The following CAST variants were observed in gnomAD, a reference collection of about 807,000 sequenced individuals.
CAST encodes the protein calpastatin, also known as MIR583 host.
A neutral mutation model predicts 119.6 loss-of-function variants in CAST; 76 were observed. The ratio of observed to expected loss-of-function variants is 0.64; its 90% CI spans 0.53 to 0.77. The LOEUF is 0.77. Among genes scored for constraint, CAST ranks in the 30% least tolerant of loss-of-function variants. CAST has a pLI of 0.00. For synonymous variants in CAST, 319 were observed against 331.6 expected (o/e 0.96, Z 0.41); for missense variants, 953 against 946.5 (o/e 1.01, Z -0.09).
rs997350514 is a variant in CAST, at chr5:96,702,946, G to A, written c.210+7039G>A. 2.5e-5 allele frequency: 25 copies of A among 985,498 alleles called. No individual in the cohort carries two copies. In the Admixed American group the frequency reaches 4.9e-4, roughly 19 times the overall value. 61.0% of individuals were successfully genotyped at this position (985,498 alleles called of 1,614,324 possible). On this transcript the variant is annotated intron_variant, in intron 3 of 31. Coordinates refer to ENST00000675179, the MANE Select transcript of CAST (RefSeq NM_001750.7). ...TACTGTCTTCCGCCGCTTTGCTCCAGGCCGCGCGTGCTCCCGGGTCTAGGG... is the reference window on the plus strand; with the variant it reads ...TACTGTCTTCCGCCGCTTTGCTCCAAGCCGCGCGTGCTCCCGGGTCTAGGG...
At chr5:96,200,595 TC>T in the CAST span, among the ~76,000 whole-genome samples, 1 of 152,290 alleles carries the variant, frequency 6.6e-6, no homozygotes, top group East Asian at 1.9e-4. Context: ...ATACAGGATA[TC>T]CTTTAATTCT....
chr5:96,556,839 A>G (rs1408231721), intron 1 of CAST, among the ~76,000 whole-genome samples: 3 of 152,156 alleles, frequency 2.0e-5, no homozygotes, highest in Non-Finnish European at 4.4e-5. Context: ...CCAACATTCA[A>G]ATCCAGGAAA....
the CAST span, among the ~76,000 whole-genome samples, chr5:96,401,982 T>A: frequency 1.1e-4 from 16 of 152,332 alleles, no homozygotes; most frequent in African/African-American, 3.6e-4. Flanking sequence ...TTGAGACCTG[T>A]ATTGTTCCCT....
chr5:96,695,393 C>G (rs1002158005), intron 2 of CAST, among the ~76,000 whole-genome samples: 1 of 152,114 alleles, frequency 6.6e-6, no homozygotes, highest in Non-Finnish European at 1.5e-5. Context: ...GGTTATAGTA[C>G]TGTGATCAGT....
At chr5:96,499,116 A>T in the CAST span, among the ~76,000 whole-genome samples, 2 of 152,154 alleles carry the variant, frequency 1.3e-5, no homozygotes, top group African/African-American at 2.4e-5. Context: ...AAATAAATTT[A>T]AAAAAAGAAC....
the CAST span, among the ~76,000 whole-genome samples, chr5:96,478,662 A>G: frequency 1.7e-4 from 26 of 152,252 alleles, 1 homozygote; most frequent in Non-Finnish European, 1.5e-5. Flanking sequence ...ATTAACATAA[A>G]GTAGAAAGAC....
the CAST span, among the ~76,000 whole-genome samples, chr5:96,071,420 C>G: frequency 1.3e-5 from 2 of 152,102 alleles, no homozygotes; most frequent in Non-Finnish European, 2.9e-5. Flanking sequence ...GTATATCAGT[C>G]CCCAGGCATG....
Position 96,742,704 on chromosome 5 carries a change from C to T in CAST, c.1148C>T (p.Thr383Ile), listed in dbSNP as rs766288502. The change falls in exon 16 of 32, where the codon ACC becomes ATC. Residue 383 changes from threonine (T) to isoleucine (I), a missense_variant. By Grantham distance (89) the Thr-to-Ile change is moderately conservative. Coordinates refer to ENST00000675179, the MANE Select transcript of CAST (RefSeq NM_001750.7). ...GAGGCTCTGTCGGCTTCACTGGGCA[C>T]CCGGCAAGCAGAACCTGAGCTCGAC... ...ALEALSASLG[T>I]RQAEPELDLR... 1 of 1,613,990 alleles carries T rather than the reference C, an allele frequency of 6.2e-7. No homozygotes were observed. Among genetic ancestry groups the T allele is most frequent in the East Asian group, 2.2e-5 (1 of 44,888 alleles).
chr5:96,488,017 G>A, the CAST span, among the ~76,000 whole-genome samples: 3 of 152,088 alleles, frequency 2.0e-5, no homozygotes, highest in Admixed American at 6.6e-5. Flanking sequence ...TTTATACAAT[G>A]TGACTAACTC....
At chr5:96,686,859 A>C (rs112823261) in intron 2 of CAST, among the ~76,000 whole-genome samples, 6,348 of 152,238 alleles carry the variant, frequency 0.042, 178 homozygotes, top group Middle Eastern at 0.092. Context: ...TGTAGGGACC[A>C]CTGCAAGGGA....
the CAST span, among the ~76,000 whole-genome samples, chr5:96,356,706 C>T: frequency 6.6e-6 from 1 of 152,140 alleles, no homozygotes; most frequent in African/African-American, 2.4e-5. Context: ...TGTTTTGGTA[C>T]CAGTACCATG....
At chr5:96,321,079 C>A in the CAST span, among the ~76,000 whole-genome samples, 1 of 152,194 alleles carries the variant, frequency 6.6e-6, no homozygotes, top group Non-Finnish European at 1.5e-5. Context: ...GAGTGCTTAT[C>A]TCTCCAGGTT....
chr5:96,660,008 A>T (rs1159742713), upstream of CAST, among the ~76,000 whole-genome samples: 1 of 152,216 alleles, frequency 6.6e-6, no homozygotes, highest in Non-Finnish European at 1.5e-5. Flanking sequence ...GTGAGTTCTG[A>T]CTTTTAAGCT....
At chr5:96,180,491 G>T in the CAST span, among the ~76,000 whole-genome samples, 1 of 152,086 alleles carries the variant, frequency 6.6e-6, no homozygotes, top group Non-Finnish European at 1.5e-5. Flanking sequence ...AGAACCAAAT[G>T]GTCCTTCACA....
chr5:96,049,582 T>A, the CAST span, among the ~76,000 whole-genome samples: 2 of 151,988 alleles, frequency 1.3e-5, no homozygotes, highest in African/African-American at 4.8e-5. Flanking sequence ...GGGATCCCAC[T>A]TGGGTGACTA....
chr5:96,423,214 G>C, the CAST span: 2 of 1,180,494 alleles, frequency 1.7e-6, no homozygotes, highest in African/African-American at 3.0e-5. Context: ...CCCAGGGACT[G>C]ACACCAGAGC....
chr5:96,601,261 T>A (rs1747147536), intron 1 of CAST, among the ~76,000 whole-genome samples: 1 of 152,222 alleles, frequency 6.6e-6, no homozygotes, highest in Admixed American at 6.5e-5. Context: ...TCTATCACAT[T>A]TTGTGTCCTA....
the CAST span, among the ~76,000 whole-genome samples, chr5:96,010,290 C>T: frequency 6.6e-6 from 1 of 151,990 alleles, no homozygotes; most frequent in Non-Finnish European, 1.5e-5. Context: ...TTTTTTGATT[C>T]CATATGATTT....
chr5:96,767,537 G>A lies in CAST; in HGVS notation c.2175+55G>A, dbSNP rs907087694. 7 of 1,392,364 alleles carry A rather than the reference G, an allele frequency of 5.0e-6. No homozygotes were observed. In the African/African-American group the frequency reaches 8.6e-5, roughly 17 times the overall value. The allele number at this position is 1,392,364 out of a possible 1,614,324, so 86.3% of individuals were successfully genotyped here. A position where few individuals can be genotyped will look rare whatever the true frequency, so the allele number is the denominator to read the frequency against. ...AATTTTGTTTTATTCTAGCCATAGG[G>A]GTATTTGGCATTTTAGAAAACTAAA... On this transcript the variant is annotated intron_variant, in intron 28 of 31. Transcript: ENST00000675179.
Sources: gnomAD v4.1 joint callset for allele counts (sites outside exome capture counted in the v4.1 genomes callset) on GRCh38, gnomAD v4.1.1 for gene constraint, MANE v1.5 for transcripts, NCBI Gene and HGNC (gene_info 2026-07-23, HGNC 2026-07-21) for gene names.